The following SEMA6C variants were observed in gnomAD, a reference collection of about 807,000 sequenced individuals.
SEMA6C encodes the protein semaphorin 6C.
In SEMA6C, 37 loss-of-function variants were observed where a neutral mutation model predicts 72.9. The ratio of observed to expected loss-of-function variants is 0.51; its 90% CI spans 0.39 to 0.67. The LOEUF is 0.67. Ranked by LOEUF, SEMA6C falls within the 30% of genes least tolerant of loss-of-function variation. SEMA6C has a pLI of 0.00. For missense variants in SEMA6C, 1,189 were observed against 1,263.6 expected (o/e 0.94, Z 0.89); for synonymous variants, 578 against 554.1 (o/e 1.04, Z -0.61).
At chr1:151,138,236 G>A in intron 8 of SEMA6C, 80 bp downstream of exon 8, 1 of 1,585,130 alleles carries the variant, frequency 6.3e-7, no homozygotes. Flanking sequence ...GGGGAATGGG[G>A]GAAAGACCCA....
chr1:151,139,092 C>CAAAAAAAAAA (rs887064091), intron 6 of SEMA6C, among the ~76,000 whole-genome samples: 6 of 52,958 alleles, frequency 1.1e-4, no homozygotes, highest in Admixed American at 2.0e-4. Flanking sequence ...GACTCCGTCT[C>CAAAAAAAAAA]AAAAAAAAAA....
chr1:151,143,313 G>T (rs998272252), intron 2 of SEMA6C, among the ~76,000 whole-genome samples: 6 of 152,180 alleles, frequency 3.9e-5, no homozygotes, highest in African/African-American at 1.4e-4. Flanking sequence ...GAGTTGGTGG[G>T]GGGGACTGTC....
chr1:151,143,182 C>T (rs1290755461), intron 2 of SEMA6C, among the ~76,000 whole-genome samples: 2 of 152,200 alleles, frequency 1.3e-5, no homozygotes, highest in Non-Finnish European at 2.9e-5. Context: ...GTGGCTGACA[C>T]TGTCCTTTCT....
At chr1:151,142,419 C>T in intron 3 of SEMA6C, 85 bp downstream of exon 3, 1 of 1,517,186 alleles carries the variant, frequency 6.6e-7, no homozygotes. Context: ...AGGCTGGGAG[C>T]CTTCCTGCAC....
chr1:151,144,466 A>G (rs1312620335), intron 1 of SEMA6C, 32 bp from the exon 2 acceptor site: 1 of 152,676 alleles, frequency 6.5e-6, no homozygotes, highest in Non-Finnish European at 1.5e-5. Flanking sequence ...GAGAGAAGAG[A>G]CTGCATTATG....
rs918738603 is a variant in SEMA6C at position 151,133,560 on chromosome 1, C to A, written c.1760-43G>T. On this transcript the variant is annotated intron_variant, in intron 18 of 18. Coordinates refer to ENST00000368914, the MANE Select transcript of SEMA6C (RefSeq NM_030913.6). This position sits in a 1 kb window ranked among gnomAD's most constrained non-coding sequence, Gnocchi z 5.9. ...GGAGGGAGGCTCAGCCAAGGGGAGG[C>A]GGTGCGGGGTACCTAGGCCCAGAGG... 6.8e-7 allele frequency: 1 copy of A among 1,463,378 alleles called. No homozygotes were observed. The highest frequency in any genetic ancestry group is 1.3e-5 in the South Asian group (1 of 74,396). 90.6% of individuals were successfully genotyped at this position (1,463,378 alleles called of 1,614,324 possible). A position where few individuals can be genotyped will look rare whatever the true frequency, so the allele number is the denominator to read the frequency against.
At chr1:151,143,760 C>G (rs1294687655) in intron 2 of SEMA6C, among the ~76,000 whole-genome samples, 1 of 152,092 alleles carries the variant, frequency 6.6e-6, no homozygotes, top group Non-Finnish European at 1.5e-5. Context: ...TCCTGCCTTC[C>G]CCTAAAATTG....
At position 151,136,894 on chromosome 1, in the gene SEMA6C, A is replaced by T. The variant is rs1373756978; in HGVS notation, c.937T>A (p.Ser313Thr). ...GTGGTGAAGACCCCAAAGAGAGCAG[A>T]GCGGCCATGCAGGTTCACAGGCCCA... Reference protein sequence around the residue: ...LTGPVNLHGRSALFGVFTTQT... With the variant: ...LTGPVNLHGRTALFGVFTTQT... Residue 313 changes from serine to threonine, a missense_variant, in exon 11 of 19, where the codon TCT becomes ACT. Coordinates refer to ENST00000368914, the MANE Select transcript of SEMA6C (RefSeq NM_030913.6). 2 of 1,614,060 alleles carry T rather than the reference A, an allele frequency of 1.2e-6. No homozygotes were observed. Among genetic ancestry groups the T allele is most frequent in the East Asian group, 4.5e-5 (2 of 44,874 alleles).
intron 3 of SEMA6C, 103 bp from the exon 4 acceptor site, chr1:151,140,193 T>G (rs1052965397): frequency 5.6e-5 from 49 of 881,020 alleles, no homozygotes; most frequent in Non-Finnish European, 8.9e-5. Flanking sequence ...ATGTGTGAGG[T>G]TAGAGTGCCC....
In SEMA6C at chr1:151,139,651, A is replaced by C; in HGVS notation, c.284T>G (p.Leu95Arg). ...ACAGCCCCTCACCTTGTTGGGCACC[A>C]GCCCCTCCCCTTCTTCTTCGGCTTG... The part of the protein sequence containing the change: ...DLQAEEEGEG[L>R]VPNKYLTWRS... The change falls in exon 5 of 19, where the codon CTG (leucine) becomes CGG (arginine). Residue 95 changes from leucine (L) to arginine (R), a missense_variant. By Grantham distance (102) the Leu-to-Arg change is moderately radical. Transcript: ENST00000368914. 1 of 1,607,310 alleles carries C rather than the reference A, an allele frequency of 6.2e-7. No homozygotes were observed. Among genetic ancestry groups the C allele is most frequent in the Non-Finnish European group, 8.5e-7 (1 of 1,174,892 alleles).
In SEMA6C at chr1:151,136,461, C is replaced by T. The variant is rs1394264411; in HGVS notation, c.1093G>A (p.Val365Ile). 5.6e-6 allele frequency: 9 copies of T among 1,613,666 alleles called. No homozygotes were observed. In the African/African-American group the frequency reaches 8.0e-5, roughly 14 times the overall value. Residue 365 changes from valine to isoleucine, a missense_variant, in exon 12 of 19, where the codon GTT becomes ATT. Val to Ile is a conservative substitution (Grantham distance 29, BLOSUM62 3). Coordinates refer to ENST00000368914, the MANE Select transcript of SEMA6C (RefSeq NM_030913.6). ...CATCCTGGGTACCTGGGTGAGGGAA[C>T]TCTGTCCTCAGACACAGGAGTCCAG... is the stretch of plus-strand genomic sequence containing the variant. ...GAWTPVSEDRVPSPRPGSCAG... is the reference protein window; with the variant it reads ...GAWTPVSEDRIPSPRPGSCAG...
chr1:151,136,021 G>C lies in SEMA6C; in HGVS notation c.1249C>G (p.Leu417Val), dbSNP rs1428247245. Residue 417 changes from leucine to valine, a missense_variant, in exon 13 of 19, where the codon CTC becomes GTC. Around this residue, in one of 2 missense-constraint regions of SEMA6C, gnomAD observed 468 missense variants for 577.4 expected, o/e 0.81. Transcript: ENST00000368914. The stretch of plus-strand genomic sequence containing the variant: ...TTTTCAGCCCCATACCTGCTAGTGA[G>C]AGTGAGTAGAGGCTGATGGGTGACA... ...PPVTHQPLLT[L>V]TSRALLTQVA... is the part of the protein sequence containing the mutation. 6.2e-7 allele frequency: 1 copy of C among 1,614,172 alleles called. No individual in the cohort carries two copies. The highest frequency in any genetic ancestry group is 8.5e-7 in the Non-Finnish European group (1 of 1,180,018).
Position 151,135,696 on chromosome 1 carries a change from A to T in SEMA6C, c.1328T>A (p.Leu443His). 1 of 1,614,230 alleles carries T rather than the reference A, an allele frequency of 6.2e-7. No individual in the cohort carries two copies. The highest frequency in any genetic ancestry group is 8.5e-7 in the Non-Finnish European group (1 of 1,180,030). ...CAGCACTGTCCCATCATTGGAGCCA[A>T]GGAACATGACTGTGATGTTACTGTG... ...GPHSNITVMF[L>H]GSNDGTVLKV... Residue 443 changes from leucine (L) to histidine (H), a missense_variant, in exon 14 of 19, where the codon CTT (leucine) becomes CAT (histidine). This residue lies in a region of SEMA6C where 468 missense variants were observed against 577.4 expected (regional missense o/e 0.81). Coordinates refer to ENST00000368914, the MANE Select transcript of SEMA6C (RefSeq NM_030913.6).
chr1:151,139,210 T>C (rs1411053841), intron 6 of SEMA6C, among the ~76,000 whole-genome samples: 1 of 152,250 alleles, frequency 6.6e-6, no homozygotes, highest in Non-Finnish European at 1.5e-5. Flanking sequence ...TCTGGCCTTC[T>C]GCAAATCCTT....
chr1:151,139,451 T>A lies in SEMA6C; in HGVS notation c.328A>T (p.Asn110Tyr), dbSNP rs970725798. 6.2e-7 allele frequency: 1 copy of A among 1,614,086 alleles called. No individual in the cohort carries two copies. Among genetic ancestry groups the A allele is most frequent in the African/African-American group, 1.3e-5 (1 of 75,024 alleles). The stretch of plus-strand genomic sequence containing the variant: ...GTCAGCTTTCCCCGTACAGCACAGT[T>A]CTCCACATCTTGGCTTCTCCATGTT... ...YLTWRSQDVE[N>Y]CAVRGKLTDE... The change falls in exon 6 of 19, where the codon AAC becomes TAC. Residue 110 changes from asparagine (N) to tyrosine (Y), a missense_variant. This residue lies in a region of SEMA6C where 468 missense variants were observed against 577.4 expected (regional missense o/e 0.81). Transcript: ENST00000368914.
chr1:151,133,412 C>T lies in SEMA6C; in HGVS notation c.1865G>A (p.Gly622Asp). 1.3e-6 allele frequency: 2 copies of T among 1,594,846 alleles called. No homozygotes were observed. The highest frequency in any genetic ancestry group is 1.7e-6 in the Non-Finnish European group (2 of 1,173,844). ...AAFALGASVS[G>D]LLVSCACRRA... ...GCGACAAGCACAGGAGACCAGGAGG[C>T]CAGAGACTGAGGCGCCCAGGGCAAA... Residue 622 changes from glycine (G) to aspartate (D), a missense_variant, in exon 19 of 19, where the codon GGC becomes GAC. Gly to Asp is a moderately conservative substitution (Grantham distance 94, BLOSUM62 -1). Coordinates refer to ENST00000368914, the MANE Select transcript of SEMA6C (RefSeq NM_030913.6). The surrounding 1 kb of genome is among the most constrained non-coding windows in gnomAD (Gnocchi z 5.9).
rs1682418615 is a variant in SEMA6C at position 151,140,230 on chromosome 1, C to A, written c.119-140G>T. The stretch of plus-strand genomic sequence containing the variant: ...AAAGCTATTCTTAATACCAATAACA[C>A]TGAGTACTTAATCTCTGCCAAACAC... On this transcript the variant is annotated intron_variant, in intron 3 of 18. Transcript: ENST00000368914. 1.0e-5 allele frequency: 7 copies of A among 683,612 alleles called. No homozygotes were observed. The East Asian group carries it at 1.6e-4, about 16-fold the overall frequency. 42.3% of individuals were successfully genotyped at this position (683,612 alleles called of 1,614,324 possible). A position where few individuals can be genotyped will look rare whatever the true frequency, so the allele number is the denominator to read the frequency against.
At chr1:151,138,824 G>A in intron 6 of SEMA6C, 93 bp from the exon 7 acceptor site, 1 of 999,092 alleles carries the variant, frequency 1.0e-6, no homozygotes, top group Non-Finnish European at 1.6e-6. Flanking sequence ...CGGGCGTGGT[G>A]GCTCACGCCT....
intron 10 of SEMA6C, 82 bp downstream of exon 10, chr1:151,137,629 A>G: frequency 2.7e-6 from 3 of 1,127,202 alleles, no homozygotes; most frequent in Non-Finnish European, 3.9e-6. Flanking sequence ...GATTATGGTC[A>G]GGAGATCTCC....
Sources: gnomAD v4.1 joint callset for allele counts (sites outside exome capture counted in the v4.1 genomes callset) on GRCh38, gnomAD v4.1.1 for gene constraint, gnomAD v4.1.1 regional missense constraint, Gnocchi (gnomAD v3.1) non-coding constraint, MANE v1.5 for transcripts, NCBI Gene and HGNC (gene_info 2026-07-23, HGNC 2026-07-21) for gene names.